The following TDRD9 variants were observed in gnomAD, a reference collection of about 807,000 sequenced individuals.
TDRD9 encodes the protein ATP-dependent RNA helicase TDRD9.
In TDRD9, 124 loss-of-function variants were observed where a neutral mutation model predicts 172.6. The ratio of observed to expected loss-of-function variants is 0.72; its 90% CI spans 0.62 to 0.83. TDRD9 has a LOEUF of 0.83. Among genes scored for constraint, TDRD9 ranks in the 40% least tolerant of loss-of-function variants. The pLI, the probability that TDRD9 is intolerant of heterozygous loss-of-function variation, is 0.00. For missense variants in TDRD9, 1,479 were observed against 1,714.1 expected (o/e 0.86, Z 2.42); for synonymous variants, 619 against 617.1 (o/e 1.00, Z -0.05).
chr14:104,001,538 A>G (rs1365768006), intron 13 of TDRD9, among the ~76,000 whole-genome samples: 2 of 152,228 alleles, frequency 1.3e-5, no homozygotes. Flanking sequence ...TTGTGTGGCC[A>G]TAAGTTTTCA....
chr14:104,016,111 C>A, intron 22 of TDRD9, 23 bp downstream of exon 22: 1 of 1,528,330 alleles, frequency 6.5e-7, no homozygotes, highest in Non-Finnish European at 9.0e-7. Flanking sequence ...GGCAGGCCGT[C>A]CTCTCTGGGG....
chr14:104,004,560 A>T (rs2034374137), intron 14 of TDRD9, among the ~76,000 whole-genome samples: 1 of 152,026 alleles, frequency 6.6e-6, no homozygotes, highest in Non-Finnish European at 1.5e-5. Context: ...TTGTATTTTT[A>T]GTAGAGACAG....
chr14:104,001,620 T>G (rs1279362989), intron 13 of TDRD9, among the ~76,000 whole-genome samples: 2 of 152,164 alleles, frequency 1.3e-5, no homozygotes, highest in Admixed American at 1.3e-4. Flanking sequence ...TTTCTTTTGT[T>G]TTGTTTTGAC....
chr14:104,050,226 G>A (rs1250372138), intron 35 of TDRD9, among the ~76,000 whole-genome samples: 2 of 152,166 alleles, frequency 1.3e-5, no homozygotes, highest in African/African-American at 2.4e-5. Flanking sequence ...GTGCCCTCAC[G>A]TGAAAGAGAG....
At chr14:103,941,734 C>A in intron 1 of TDRD9, 1 of 1,394,196 alleles carries the variant, frequency 7.2e-7, no homozygotes, top group South Asian at 1.4e-5. Flanking sequence ...TTTATTTGCT[C>A]AAAATGTTAT....
At chr14:104,037,594 G>A (rs1289478571) in intron 32 of TDRD9, among the ~76,000 whole-genome samples, 2 of 152,244 alleles carry the variant, frequency 1.3e-5, no homozygotes, top group Non-Finnish European at 2.9e-5. Context: ...TTAAAAAGGG[G>A]AAGGAGATAT....
At chr14:104,032,831 G>T (rs574892443) in intron 30 of TDRD9, among the ~76,000 whole-genome samples, 106 of 152,194 alleles carry the variant, frequency 7.0e-4, no homozygotes, top group Admixed American at 6.9e-3. Context: ...TCTTGATAAG[G>T]GCACAGAACA....
At chr14:104,023,653 A>G (rs2035031100) in intron 24 of TDRD9, among the ~76,000 whole-genome samples, 1 of 152,266 alleles carries the variant, frequency 6.6e-6, no homozygotes, top group African/African-American at 2.4e-5. Flanking sequence ...CCATATCCCC[A>G]TAGTCACCTA....
chr14:103,983,110 C>T (rs1349380366), intron 7 of TDRD9, among the ~76,000 whole-genome samples: 1 of 128,908 alleles, frequency 7.8e-6, no homozygotes, highest in Non-Finnish European at 1.5e-5. Flanking sequence ...GTCATCCAGG[C>T]TGGAGTGCAG....
At chr14:103,985,769 T>G (rs1268074787) in intron 7 of TDRD9, among the ~76,000 whole-genome samples, 2 of 152,222 alleles carry the variant, frequency 1.3e-5, no homozygotes, top group Non-Finnish European at 2.9e-5. Context: ...CTGGTACTTT[T>G]GATATACAAG....
Position 103,991,183 on chromosome 14 carries a change from A to G in TDRD9, c.1139A>G (p.Gln380Arg). 2 of 1,614,002 alleles carry G rather than the reference A, an allele frequency of 1.2e-6. No homozygotes were observed. Among genetic ancestry groups the G allele is most frequent in the Non-Finnish European group, 1.7e-6 (2 of 1,179,880 alleles). Residue 380 changes from glutamine to arginine, a missense_variant, in exon 9 of 36, where the codon CAG becomes CGG. Coordinates refer to ENST00000409874, the MANE Select transcript of TDRD9 (RefSeq NM_153046.3). Reference protein sequence around the residue: ...ESGNKAWSGAQFVLERSSVLV... With the variant: ...ESGNKAWSGARFVLERSSVLV... ...AGGAACAAGGCTTGGTCGGGGGCCC[A>G]GTTTGTGTTGGAGCGAAGCAGTGTG...
chr14:103,928,558 G>A lies in TDRD9; in HGVS notation c.49G>A (p.Gly17Ser). ...IEQINDWFTI[G>S]KTVTNVELLG... ...GCAGATCAACGACTGGTTCACCATC[G>A]GCAAGACGGTGACCAATGTGGAGCT... Residue 17 changes from glycine to serine, a missense_variant, in exon 1 of 36, where the codon GGC (glycine) becomes AGC (serine). Gly to Ser is a moderately conservative substitution (Grantham distance 56, BLOSUM62 0). This residue lies in a region of TDRD9 where 63 missense variants were observed against 48.4 expected (regional missense o/e 1.30). Transcript: ENST00000409874. 7.2e-7 allele frequency: 1 copy of A among 1,387,658 alleles called. No homozygotes were observed. Among genetic ancestry groups the A allele is most frequent in the Non-Finnish European group, 9.5e-7 (1 of 1,057,280 alleles). 86.0% of individuals were successfully genotyped at this position (1,387,658 alleles called of 1,614,324 possible). A position where few individuals can be genotyped will look rare whatever the true frequency, so the allele number is the denominator to read the frequency against.
At chr14:104,026,968 G>C (rs1273244058) in intron 28 of TDRD9, 29 bp downstream of exon 28, 14 of 1,606,818 alleles carry the variant, frequency 8.7e-6, no homozygotes, top group Non-Finnish European at 1.2e-5. Context: ...GCTGGAGCAC[G>C]CGTTTGTGTG....
At chr14:104,038,956 C>T (rs2035531858) in intron 32 of TDRD9, among the ~76,000 whole-genome samples, 1 of 152,170 alleles carries the variant, frequency 6.6e-6, no homozygotes, top group Non-Finnish European at 1.5e-5. Context: ...AGGCGTGAGC[C>T]ACCGTGCCCA....
intron 34 of TDRD9, among the ~76,000 whole-genome samples, chr14:104,044,028 C>T (rs1409760684): frequency 6.6e-6 from 1 of 152,248 alleles, no homozygotes; most frequent in Non-Finnish European, 1.5e-5. Context: ...GTGTGTCATA[C>T]GGTACCTGGT....
chr14:104,032,667 C>CTG (rs745562656), intron 30 of TDRD9, among the ~76,000 whole-genome samples: 1 of 152,174 alleles, frequency 6.6e-6, no homozygotes, highest in Non-Finnish European at 1.5e-5. Context: ...TTCAGCAAAG[C>CTG]TGTGAGAGCC....
At chr14:103,953,674 A>C (rs749051203) in intron 1 of TDRD9, among the ~76,000 whole-genome samples, 10 of 152,170 alleles carry the variant, frequency 6.6e-5, no homozygotes, top group Non-Finnish European at 1.2e-4. Context: ...TCCCAATCCA[A>C]GACAAAGCCT....
intron 34 of TDRD9, among the ~76,000 whole-genome samples, chr14:104,046,808 G>A (rs987075721): frequency 6.6e-6 from 1 of 152,002 alleles, no homozygotes; most frequent in African/African-American, 2.4e-5. Flanking sequence ...ACCACACCTG[G>A]CTAATTTTTT....
intron 1 of TDRD9, among the ~76,000 whole-genome samples, chr14:103,951,871 G>A (rs28432266): frequency 0.036 from 5,330 of 149,602 alleles, 188 homozygotes; most frequent in African/African-American, 0.089. Flanking sequence ...AGTTCACGCC[G>A]TTCTCCTGCC....
Sources: gnomAD v4.1 joint callset for allele counts (sites outside exome capture counted in the v4.1 genomes callset) on GRCh38, gnomAD v4.1.1 for gene constraint, gnomAD v4.1.1 regional missense constraint, MANE v1.5 for transcripts, NCBI Gene and HGNC (gene_info 2026-07-23, HGNC 2026-07-21) for gene names.